NOD2: variants seen among roughly 807,000 people sequenced by gnomAD.
NOD2 encodes nucleotide binding oligomerization domain containing 2.
Under a neutral mutation model 90.9 loss-of-function variants are expected in NOD2, and 86 were observed. The ratio of observed to expected loss-of-function variants is 0.95; its 90% confidence interval spans 0.79 to 1.13. The LOEUF (loss-of-function observed/expected upper bound fraction) is 1.13, where lower values mean the gene tolerates loss of function less well. NOD2 is among the 50% of genes most tolerant of loss of function. The pLI, the probability that NOD2 is intolerant of heterozygous loss-of-function variation, is 0.00. For synonymous variants in NOD2, 581 were observed against 554.6 expected (o/e 1.05, Z -0.67); for missense variants, 1,238 against 1,283.8 (o/e 0.96, Z 0.55).
intron 5 of NOD2, 91 bp from the exon 6 acceptor site, chr16:50,716,800 C>G (rs1964819167): frequency 6.8e-7 from 1 of 1,478,934 alleles, no homozygotes. Context: ...GCAGGTGATT[C>G]CTGCCCAGAG....
chr16:50,699,554 C>A lies in NOD2; in HGVS notation c.59C>A (p.Ser20Ter). The change falls in exon 2 of 12, where the codon TCA becomes TAA. Residue 20 changes from serine to a stop codon, truncating the protein, a stop_gained. Transcript: ENST00000647318. LOFTEE classifies it high-confidence loss of function. The part of the protein sequence containing the change: ...QRSQLVELLV[S>*]GSLEGFESVL... ...AGCCAGCTGGTCGAGCTGCTGGTCT[C>A]AGGGTCCCTGGAAGGCTTCGAGAGT... The A allele has an allele frequency of 6.2e-7, 1 of 1,614,032 alleles. No individual in the cohort carries two copies. The highest frequency in any genetic ancestry group is 8.5e-7 in the Non-Finnish European group (1 of 1,179,970).
At chr16:50,712,480 C>A in intron 4 of NOD2, 107 bp downstream of exon 4, 1 of 1,430,782 alleles carries the variant, frequency 7.0e-7, no homozygotes, top group Non-Finnish European at 9.7e-7. Context: ...TTCGCCTCTG[C>A]CACCCTGCTT....
At position 50,711,582 on chromosome 16, in the gene NOD2, C is replaced by T. The variant is rs35422070; in HGVS notation, c.1590C>T (p.Gly530=). Residue 530 remains glycine, a synonymous_variant, in exon 4 of 12, where the codon GGC becomes GGT. Transcript: ENST00000647318. ...ACCTGGGCAGACTGGCTCTGTGGGG[C>T]CTGGGCATGTGCTGCTACGTGTTCT... ...LLHLGRLALW[G]LGMCCYVFSA... 5.0e-6 allele frequency: 8 copies of T among 1,611,548 alleles called. No individual in the cohort carries two copies. The highest frequency in any genetic ancestry group is 6.8e-6 in the Non-Finnish European group (8 of 1,179,986).
chr16:50,701,448 C>T (rs1050601375), intron 2 of NOD2, among the ~76,000 whole-genome samples: 9 of 152,188 alleles, frequency 5.9e-5, no homozygotes, highest in Admixed American at 3.3e-4. Context: ...AATTTGTCTT[C>T]AAGGCTGCAC....
At chr16:50,714,442 T>C (rs567278597) in intron 4 of NOD2, among the ~76,000 whole-genome samples, 2 of 152,270 alleles carry the variant, frequency 1.3e-5, no homozygotes, top group Admixed American at 6.5e-5. Context: ...CTGATACAAG[T>C]GGTCTCGCCC....
At position 50,711,991 on chromosome 16, in the gene NOD2, C is replaced by G; in HGVS notation, c.1999C>G (p.Gln667Glu). ...GCACTGGGGCCTGCTGGCTGAGTGCCAGACATCTGAGAAGGCCCTGCTCCG... is the reference window on the plus strand; with the variant it reads ...GCACTGGGGCCTGCTGGCTGAGTGCGAGACATCTGAGAAGGCCCTGCTCCG... The part of the protein sequence containing the change: ...REHWGLLAEC[Q>E]TSEKALLRRQ... The change falls in exon 4 of 12, where the codon CAG (glutamine) becomes GAG (glutamate). Residue 667 changes from glutamine to glutamate, a missense_variant. Physicochemically the swap from Gln to Glu is conservative, Grantham distance 29. Coordinates refer to ENST00000647318, the MANE Select transcript of NOD2 (RefSeq NM_001370466.1). The G allele has an allele frequency of 6.2e-7, 1 of 1,613,374 alleles. No individual in the cohort carries two copies. The highest frequency in any genetic ancestry group is 8.5e-7 in the Non-Finnish European group (1 of 1,179,912).
intron 1 of NOD2, among the ~76,000 whole-genome samples, chr16:50,694,461 T>C (rs1485644103): frequency 6.6e-6 from 1 of 152,044 alleles, no homozygotes. Context: ...CTGGGGCCCC[T>C]GAGTTTGTTG....
intron 9 of NOD2, among the ~76,000 whole-genome samples, chr16:50,724,183 T>G (rs1444764926): frequency 6.6e-6 from 1 of 152,196 alleles, no homozygotes; most frequent in Non-Finnish European, 1.5e-5. Flanking sequence ...TGTTTGATTT[T>G]CCCGGGAAGC....
chr16:50,723,465 G>A, intron 9 of NOD2, 81 bp downstream of exon 9: 1 of 1,250,206 alleles, frequency 8.0e-7, no homozygotes, highest in Non-Finnish European at 1.2e-6. Flanking sequence ...AGGAGCGGTT[G>A]TGTGGACAGA....
rs757844707 is a variant in NOD2, at chr16:50,716,713, G to T, written c.2465+43G>T. On this transcript the variant is annotated intron_variant, in intron 5 of 11. Coordinates refer to ENST00000647318, the MANE Select transcript of NOD2 (RefSeq NM_001370466.1). Reference sequence around the variant, plus strand: ...GTGGACAATGGGCTCCAAGTGCCCTGGTCTCACCCCAGGTCGTGCAGCCTG... The same window carrying T: ...GTGGACAATGGGCTCCAAGTGCCCTTGTCTCACCCCAGGTCGTGCAGCCTG... 5 of 1,588,154 alleles carry T rather than the reference G, an allele frequency of 3.1e-6. No homozygotes were observed. The African/African-American group carries it at 6.7e-5, about 21-fold the overall frequency.
chr16:50,716,832 T>C, intron 5 of NOD2, 59 bp from the exon 6 acceptor site: 1 of 1,558,762 alleles, frequency 6.4e-7, no homozygotes, highest in South Asian at 1.1e-5. Flanking sequence ...CCCTGGGATT[T>C]GGTGCTCACT....
At chr16:50,730,353 A>C (rs552057618) in intron 11 of NOD2, among the ~76,000 whole-genome samples, 1 of 152,312 alleles carries the variant, frequency 6.6e-6, no homozygotes, top group East Asian at 1.9e-4. Flanking sequence ...CATGTATTGA[A>C]AAAAGCAAGA....
intron 1 of NOD2, among the ~76,000 whole-genome samples, chr16:50,694,866 C>T (rs558254338): frequency 1.3e-5 from 2 of 152,232 alleles, no homozygotes; most frequent in South Asian, 2.1e-4. Flanking sequence ...AAATACATGG[C>T]GTAGCAGGTG....
chr16:50,722,483 C>A, intron 7 of NOD2, 139 bp from the exon 8 acceptor site: 2 of 832,994 alleles, frequency 2.4e-6, no homozygotes, highest in Non-Finnish European at 4.2e-6. Context: ...GGACCAGGAG[C>A]CCCAGTGAGG....
At position 50,697,342 on chromosome 16, in the gene NOD2, C is replaced by T. The variant is rs1286373006; in HGVS notation, c.-8-2146C>T. 4.5e-6 allele frequency: 7 copies of T among 1,546,802 alleles called. No individual in the cohort carries two copies. The Admixed American group carries it at 1.4e-4, about 30-fold the overall frequency. ...GTAAGAGGAGCAGGCATTGTCCCGT[C>T]CCAGCTTGATCCTCAGCCTTCTTTC... On this transcript the variant is annotated intron_variant, in intron 1 of 11. Coordinates refer to ENST00000647318, the MANE Select transcript of NOD2 (RefSeq NM_001370466.1).
intron 2 of NOD2, among the ~76,000 whole-genome samples, chr16:50,703,461 AACCCCGTCTCT>A (rs1300294633): frequency 6.6e-6 from 1 of 152,076 alleles, no homozygotes; most frequent in African/African-American, 2.4e-5. Flanking sequence ...AACATGGAGA[AACCCCGTCTCT>A]ACTAAAAATA....
At position 50,727,398 on chromosome 16, in the gene NOD2, C is replaced by A. The variant is rs557114179; in HGVS notation, c.2885+1826C>A. On this transcript the variant is annotated intron_variant, in intron 10 of 11. Coordinates refer to ENST00000647318, the MANE Select transcript of NOD2 (RefSeq NM_001370466.1). The stretch of plus-strand genomic sequence containing the variant: ...AGTAATTGTGGTTTCAGACCATGAA[C>A]TTTAAATTATTATAACTAGGCTAAA... The A allele has an allele frequency of 1.6e-3, 270 of 172,072 alleles. 2 individuals carry two copies. The highest frequency in any genetic ancestry group is 2.7e-3 in the Non-Finnish European group (217 of 80,892). The allele number at this position is 172,072 out of a possible 1,614,324, so 10.7% of individuals were successfully genotyped here.
At chr16:50,716,391 C>A (rs1343699183) in intron 4 of NOD2, among the ~76,000 whole-genome samples, 196 bp from the exon 5 acceptor site, 1 of 152,148 alleles carries the variant, frequency 6.6e-6, no homozygotes, top group Non-Finnish European at 1.5e-5. Flanking sequence ...CCATCCCCAT[C>A]ATAGTGCACC....
At chr16:50,718,384 G>T (rs1964894531) in intron 6 of NOD2, among the ~76,000 whole-genome samples, 1 of 152,226 alleles carries the variant, frequency 6.6e-6, no homozygotes, top group South Asian at 2.1e-4. Context: ...CTGGACGGGG[G>T]GCTGATTCAC....
Sources: allele counts gnomAD v4.1 joint callset (sites outside exome capture counted in the v4.1 genomes callset), GRCh38; gene constraint gnomAD v4.1.1; transcripts MANE v1.5; gene names NCBI Gene and HGNC (gene_info 2026-07-23, HGNC 2026-07-21).